DOCK2: variants seen among roughly 807,000 people sequenced by gnomAD.
DOCK2 encodes the protein dedicator of cytokinesis protein 2.
In DOCK2, 87 loss-of-function variants were observed where a neutral mutation model predicts 248.9. The observed-to-expected ratio is 0.35, with a 90% CI of 0.29 to 0.42. The LOEUF (loss-of-function observed/expected upper bound fraction) is 0.42. Ranked by LOEUF, DOCK2 falls within the 10% of genes least tolerant of loss-of-function variation. The probability of loss-of-function intolerance (pLI) is 1.00; values close to 1 mark genes in which losing one functional copy is unlikely to be tolerated. For synonymous variants in DOCK2, 805 were observed against 821.6 expected (o/e 0.98, Z 0.35); for missense variants, 1,747 against 2,300.2 (o/e 0.76, Z 4.92).
At chr5:169,851,813 G>T (rs1272200446) in intron 27 of DOCK2, among the ~76,000 whole-genome samples, 1 of 152,102 alleles carries the variant, frequency 6.6e-6, no homozygotes, top group Non-Finnish European at 1.5e-5. Context: ...AAAACCATCA[G>T]ATCTCATGAG....
At chr5:169,981,113 A>G (rs1393326528) in intron 27 of DOCK2, among the ~76,000 whole-genome samples, 6 of 152,154 alleles carry the variant, frequency 3.9e-5, no homozygotes, top group African/African-American at 1.4e-4. Context: ...TTGCATTTTT[A>G]CTTTGTTCTG....
intron 27 of DOCK2, among the ~76,000 whole-genome samples, chr5:169,912,736 A>G (rs1437074514): frequency 2.0e-5 from 3 of 152,090 alleles, no homozygotes; most frequent in African/African-American, 7.2e-5. Flanking sequence ...GTCCAATGCC[A>G]TGTAGTTTTT....
intron 9 of DOCK2, among the ~76,000 whole-genome samples, chr5:169,690,522 G>A (rs1344484382): frequency 6.6e-6 from 1 of 152,178 alleles, no homozygotes; most frequent in African/African-American, 2.4e-5. Context: ...TGGGCCAGAG[G>A]CATGGAATGG....
At chr5:169,786,046 A>G (rs1008359185) in intron 25 of DOCK2, among the ~76,000 whole-genome samples, 8 of 152,208 alleles carry the variant, frequency 5.3e-5, no homozygotes, top group Non-Finnish European at 1.2e-4. Context: ...TTCTATTACC[A>G]CTAATAAAAA....
chr5:169,946,789 C>T (rs756252308), intron 27 of DOCK2, among the ~76,000 whole-genome samples: 27 of 152,288 alleles, frequency 1.8e-4, no homozygotes, highest in Middle Eastern at 6.8e-3. Context: ...TTGAGAGTGA[C>T]GTGGGGCTGA....
chr5:169,644,433 T>C (rs1202843260), intron 1 of DOCK2, among the ~76,000 whole-genome samples: 1 of 151,906 alleles, frequency 6.6e-6, no homozygotes, highest in Non-Finnish European at 1.5e-5. Context: ...GCAAATGGGG[T>C]TTTCCTCTTG....
At chr5:169,683,700 A>G (rs184911891) in intron 7 of DOCK2, among the ~76,000 whole-genome samples, 1 of 152,164 alleles carries the variant, frequency 6.6e-6, no homozygotes, top group East Asian at 1.9e-4. Context: ...GTATCTCTTT[A>G]TGTGCTTCCT....
chr5:169,759,923 G>A, intron 24 of DOCK2, 148 bp downstream of exon 24: 1 of 825,924 alleles, frequency 1.2e-6, no homozygotes, highest in Middle Eastern at 3.1e-4. Context: ...GGTTTCCGGT[G>A]TGGTATTTTT....
intron 29 of DOCK2, among the ~76,000 whole-genome samples, chr5:169,993,174 G>C (rs1213281297): frequency 6.6e-6 from 1 of 152,226 alleles, no homozygotes; most frequent in African/African-American, 2.4e-5. Flanking sequence ...TTTAAGGAGA[G>C]AACACAAAAT....
At chr5:170,049,499 T>A (rs954132684) in intron 40 of DOCK2, among the ~76,000 whole-genome samples, 7 of 152,196 alleles carry the variant, frequency 4.6e-5, no homozygotes, top group Non-Finnish European at 1.5e-5. Flanking sequence ...GTATGACAGA[T>A]GTGTGTTTGG....
At chr5:170,001,415 C>G (rs145558250) in intron 30 of DOCK2, among the ~76,000 whole-genome samples, 203 of 152,188 alleles carry the variant, frequency 1.3e-3, no homozygotes, top group Non-Finnish European at 2.0e-3. Context: ...TGAAAGGACA[C>G]TGAGAAAGGA....
At chr5:169,658,742 CA>C (rs199592834) in intron 2 of DOCK2, among the ~76,000 whole-genome samples, 2,383 of 148,534 alleles carry the variant, frequency 0.016, 37 homozygotes, top group Non-Finnish European at 0.024. Flanking sequence ...TTTAAACAAA[CA>C]AAAAAAAATA....
intron 38 of DOCK2, 147 bp from the exon 39 acceptor site, chr5:170,045,669 G>T (rs1756681057): frequency 4.1e-6 from 3 of 736,468 alleles, no homozygotes; most frequent in African/African-American, 1.7e-5. Flanking sequence ...GGAAGCCCCC[G>T]GCCCCTCTGT....
intron 23 of DOCK2, among the ~76,000 whole-genome samples, chr5:169,752,791 G>A (rs1327734248): frequency 6.6e-6 from 1 of 152,036 alleles, no homozygotes. Context: ...ATACTGCCGG[G>A]CGCCGTGACT....
chr5:170,034,612 T>G, intron 35 of DOCK2, 57 bp downstream of exon 35: 1 of 1,599,116 alleles, frequency 6.3e-7, no homozygotes, highest in Non-Finnish European at 8.5e-7. Context: ...GGCTTGGGCT[T>G]GGCTTTGGGT....
intron 51 of DOCK2, among the ~76,000 whole-genome samples, chr5:170,082,555 A>G (rs1183200223): frequency 6.6e-6 from 1 of 152,122 alleles, no homozygotes; most frequent in East Asian, 1.9e-4. Flanking sequence ...AGGATTTTAT[A>G]TGGGAGGCTC....
intron 22 of DOCK2, among the ~76,000 whole-genome samples, chr5:169,742,767 T>C (rs1763388922): frequency 6.6e-6 from 1 of 152,184 alleles, no homozygotes; most frequent in Non-Finnish European, 1.5e-5. Flanking sequence ...TGGGGCTCCA[T>C]TTGCATTTAG....
intron 27 of DOCK2, among the ~76,000 whole-genome samples, chr5:169,964,876 C>G (rs533471659): frequency 6.6e-5 from 10 of 152,360 alleles, no homozygotes; most frequent in Middle Eastern, 6.8e-3. Flanking sequence ...TAGCTAGTAT[C>G]TGGCACATAG....
intron 27 of DOCK2, among the ~76,000 whole-genome samples, chr5:169,894,087 C>T (rs1175751088): frequency 6.6e-6 from 1 of 152,130 alleles, no homozygotes; most frequent in Non-Finnish European, 1.5e-5. Flanking sequence ...TCCAGTGACC[C>T]CTTGCTTGTC....
Sources: gnomAD v4.1 joint callset for allele counts (sites outside exome capture counted in the v4.1 genomes callset) on GRCh38, gnomAD v4.1.1 for gene constraint, MANE v1.5 for transcripts, NCBI Gene and HGNC (gene_info 2026-07-23, HGNC 2026-07-21) for gene names.